PPP1R1C: variants seen among roughly 807,000 people sequenced by gnomAD.
The protein encoded by PPP1R1C is protein phosphatase 1 regulatory inhibitor subunit 1C.
A neutral mutation model predicts 17.4 loss-of-function variants in PPP1R1C; 15 were observed. The ratio of observed to expected loss-of-function variants is 0.86; its 90% CI spans 0.58 to 1.33. The LOEUF (loss-of-function observed/expected upper bound fraction) is 1.33. Among genes scored for constraint, PPP1R1C ranks in the 40% most tolerant of loss-of-function variants. The pLI is 0.00. For synonymous variants in PPP1R1C, 35 were observed against 43.1 expected, an observed-to-expected ratio of 0.81 and a Z score of 0.73; for missense variants, 143 against 130.0, an observed-to-expected ratio of 1.10 and a Z score of -0.48.
chr2:182,013,722 A>G (rs891837651), intron 2 of PPP1R1C, among the ~76,000 whole-genome samples: 2 of 151,948 alleles, frequency 1.3e-5, no homozygotes, highest in Non-Finnish European at 2.9e-5. Flanking sequence ...ATTCTTATCT[A>G]TTCTTTTTCT....
rs1436018712 is a variant in PPP1R1C at position 182,028,126 on chromosome 2, C to T, written c.143-33316C>T. Reference sequence around the variant, plus strand: ...TTTTTTTCTTTCTTAGTCTTGCTAGCGGTCTATCAATTTTGTTGATCCTTT... The same window carrying T: ...TTTTTTTCTTTCTTAGTCTTGCTAGTGGTCTATCAATTTTGTTGATCCTTT... On this transcript the variant is annotated intron_variant, in intron 2 of 4. Transcript: ENST00000682840. Among the ~76,000 whole-genome samples, 333 of 137,760 alleles carry T rather than the reference C, an allele frequency of 2.4e-3. 1 individual carries two copies. The highest frequency in any genetic ancestry group is 8.6e-3 in the African/African-American group (314 of 36,596). 90.4% of individuals were successfully genotyped at this position (137,760 alleles called of 152,430 possible).
Position 181,999,277 on chromosome 2 carries a change from G to T in PPP1R1C, c.142+11378G>T, listed in dbSNP as rs141867403. Among the ~76,000 whole-genome samples the T allele has an allele frequency of 3.3e-3, 509 of 152,240 alleles. 11 individuals are homozygous for T. In the East Asian group the frequency reaches 0.054, roughly 16 times the overall value. On this transcript the variant is annotated intron_variant, in intron 2 of 4. Transcript: ENST00000682840. ...CAACTCAAAAGCAAATTTAAAGGGG[G>T]TTACAGAAATGTATCTTACTTTTGG...
chr2:182,066,812 T>C (rs938743868), intron 4 of PPP1R1C, among the ~76,000 whole-genome samples: 1 of 152,122 alleles, frequency 6.6e-6, no homozygotes, highest in African/African-American at 2.4e-5. Flanking sequence ...CTGGTGTTTA[T>C]ATGGTGGTCA....
intron 4 of PPP1R1C, among the ~76,000 whole-genome samples, chr2:182,072,235 C>T (rs544515381): frequency 6.6e-6 from 1 of 152,256 alleles, no homozygotes; most frequent in East Asian, 1.9e-4. Context: ...TGGACTTGCT[C>T]TCCTTTGTTT....
At chr2:181,969,131 T>C (rs2125133084) in intron 1 of PPP1R1C, among the ~76,000 whole-genome samples, 1 of 152,292 alleles carries the variant, frequency 6.6e-6, no homozygotes, top group African/African-American at 2.4e-5. Flanking sequence ...AATATATGAG[T>C]AGTTTACACA....
In PPP1R1C at chr2:181,967,044, C is replaced by A. The variant is rs1350164988; in HGVS notation, n.112-8175C>A. Among the ~76,000 whole-genome samples the A allele has an allele frequency of 6.6e-6, 1 of 152,062 alleles. No individual in the cohort carries two copies. The highest frequency in any genetic ancestry group is 1.9e-4 in the East Asian group (1 of 5,194). On this transcript the variant is annotated intron_variant and non_coding_transcript_variant, in intron 1 of 5. Coordinates refer to the PPP1R1C transcript ENST00000464264. This position sits in a 1 kb window ranked among gnomAD's most constrained non-coding sequence, Gnocchi z 5.5. ...TTCAGTCTTGGTAGGTTGTAGGTGT[C>A]TAGGAATTCATCCATTTTTTCTAGG...
chr2:182,106,909 G>A (rs1689270483), intron 4 of PPP1R1C, among the ~76,000 whole-genome samples: 1 of 152,126 alleles, frequency 6.6e-6, no homozygotes, highest in African/African-American at 2.4e-5. Flanking sequence ...ACCAGAAGAA[G>A]CAAGCCACAC....
chr2:181,966,519 G>A (rs1684908096), intron 1 of PPP1R1C, among the ~76,000 whole-genome samples: 1 of 151,944 alleles, frequency 6.6e-6, no homozygotes, highest in Non-Finnish European at 1.5e-5. Flanking sequence ...CATCATAAAA[G>A]GATATTGAAT....
intron 4 of PPP1R1C, among the ~76,000 whole-genome samples, chr2:182,071,587 G>C (rs72893137): frequency 0.25 from 37,604 of 152,038 alleles, 5,958 homozygotes; most frequent in Non-Finnish European, 0.33. Context: ...ACTGTGTGTA[G>C]TACCCATTTA....
At chr2:182,095,692 A>G (rs939569803) in intron 4 of PPP1R1C, among the ~76,000 whole-genome samples, 2 of 152,182 alleles carry the variant, frequency 1.3e-5, no homozygotes, top group Admixed American at 6.5e-5. Flanking sequence ...TTCTTTACCC[A>G]TCAGATGGGT....
intron 2 of PPP1R1C, among the ~76,000 whole-genome samples, chr2:182,012,844 A>T (rs1686126885): frequency 1.3e-5 from 2 of 152,120 alleles, no homozygotes; most frequent in African/African-American, 4.8e-5. Flanking sequence ...TGATGACAAC[A>T]TCACACTGAT....
chr2:182,126,701 T>C (rs546757567), intron 5 of PPP1R1C, among the ~76,000 whole-genome samples: 3 of 152,122 alleles, frequency 2.0e-5, no homozygotes, highest in South Asian at 4.1e-4. Flanking sequence ...CACTCAACCG[T>C]AGGTCTTTCC....
chr2:182,071,407 A>T (rs1054795250), intron 4 of PPP1R1C, among the ~76,000 whole-genome samples: 5 of 152,234 alleles, frequency 3.3e-5, no homozygotes, highest in African/African-American at 9.6e-5. Flanking sequence ...GACAGCAGAG[A>T]TAAAGTAACA....
intron 4 of PPP1R1C, 40 bp from the exon 5 acceptor site, chr2:182,117,167 T>C: frequency 7.3e-7 from 1 of 1,364,500 alleles, no homozygotes; most frequent in Non-Finnish European, 1.0e-6. Flanking sequence ...ATTCCAGAAA[T>C]GAAAATCATT....
At chr2:182,021,414 G>T (rs1256139981) in intron 2 of PPP1R1C, among the ~76,000 whole-genome samples, 1 of 133,242 alleles carries the variant, frequency 7.5e-6, no homozygotes, top group Non-Finnish European at 1.5e-5. Flanking sequence ...TGCAACCTCC[G>T]CCCCTTGGGT....
chr2:182,069,649 T>C (rs549039249), intron 4 of PPP1R1C, among the ~76,000 whole-genome samples: 1 of 152,320 alleles, frequency 6.6e-6, no homozygotes, highest in African/African-American at 2.4e-5. Flanking sequence ...GTGATGCCAC[T>C]TAAACATTGG....
chr2:181,999,472 C>A (rs753586051), intron 2 of PPP1R1C, among the ~76,000 whole-genome samples: 9 of 152,080 alleles, frequency 5.9e-5, no homozygotes, highest in Non-Finnish European at 1.0e-4. Context: ...GATTGTGTAA[C>A]CAAGGTCAAT....
chr2:182,121,399 C>T (rs140370684), downstream of PPP1R1C, among the ~76,000 whole-genome samples: 5 of 151,770 alleles, frequency 3.3e-5, no homozygotes, highest in African/African-American at 9.7e-5. Flanking sequence ...ACCTCAGAGG[C>T]CTTCTATCTT....
chr2:182,107,340 T>C (rs1223952794), intron 4 of PPP1R1C, among the ~76,000 whole-genome samples: 3 of 152,348 alleles, frequency 2.0e-5, no homozygotes, highest in African/African-American at 7.2e-5. Flanking sequence ...TGCTTAAAAT[T>C]CATCAGTTCT....
Sources: allele counts gnomAD v4.1 joint callset (sites outside exome capture counted in the v4.1 genomes callset), GRCh38; gene constraint gnomAD v4.1.1; non-coding constraint Gnocchi (gnomAD v3.1); transcripts MANE v1.5; gene names NCBI Gene and HGNC (gene_info 2026-07-23, HGNC 2026-07-21).